FBN1: variants seen among roughly 807,000 people sequenced by gnomAD.
FBN1 encodes the protein fibrillin-1.
A neutral mutation model predicts 365.1 loss-of-function variants in FBN1; 29 were observed. That is an observed-to-expected ratio of 0.08 (90% confidence interval 0.06 to 0.11). The LOEUF (loss-of-function observed/expected upper bound fraction) is 0.11, where lower values mean the gene tolerates loss of function less well. Among genes scored for constraint, FBN1 ranks in the 10% least tolerant of loss-of-function variants. The probability of loss-of-function intolerance (pLI) is 1.00; values close to 1 mark genes in which losing one functional copy is unlikely to be tolerated. For missense variants in FBN1, 2,476 were observed against 3,703.2 expected, an observed-to-expected ratio of 0.67 and a Z score of 8.60; for synonymous variants, 1,210 against 1,270.5, an observed-to-expected ratio of 0.95 and a Z score of 1.01.
chr15:48,481,915 T>C (rs2043468221), intron 31 of FBN1, 135 bp from the exon 32 acceptor site: 3 of 863,246 alleles, frequency 3.5e-6, no homozygotes, highest in Non-Finnish European at 5.5e-6. Context: ...TGTTAAATTT[T>C]AGAGGCCAAT....
chr15:48,565,940 T>C (rs1428467283), intron 6 of FBN1, among the ~76,000 whole-genome samples: 1 of 152,208 alleles, frequency 6.6e-6, no homozygotes, highest in African/African-American at 2.4e-5. Flanking sequence ...AGCAGCTGAG[T>C]ATTTTAAATC....
At chr15:48,529,700 C>T (rs2043951032) in intron 8 of FBN1, 1 of 152,094 alleles carries the variant, frequency 6.6e-6, no homozygotes, top group Non-Finnish European at 1.5e-5. Flanking sequence ...ATGAATGCCA[C>T]TGAGCCTGTG....
At chr15:48,588,593 G>T (rs2140699731) in intron 6 of FBN1, among the ~76,000 whole-genome samples, 1 of 152,308 alleles carries the variant, frequency 6.6e-6, no homozygotes, top group African/African-American at 2.4e-5. Flanking sequence ...TAACACAAGA[G>T]AATGTTAGAA....
chr15:48,534,225 A>C lies in FBN1; in HGVS notation c.737-20T>G, dbSNP rs780235335. 10 of 1,558,410 alleles carry C rather than the reference A, an allele frequency of 6.4e-6. No individual in the cohort carries two copies. Among genetic ancestry groups the C allele is most frequent in the Non-Finnish European group, 8.5e-6 (10 of 1,172,570 alleles). ...CCACATCTGTCAGATTACAGAAGAC[A>C]GAGAGAAAAAAAAAAAACTCATATG... is the stretch of plus-strand genomic sequence containing the variant. On this transcript the variant is annotated intron_variant, in intron 7 of 65. Coordinates refer to ENST00000316623, the MANE Select transcript of FBN1 (RefSeq NM_000138.5).
At chr15:48,440,732 G>C (rs1991328) in intron 50 of FBN1, among the ~76,000 whole-genome samples, 1 of 152,110 alleles carries the variant, frequency 6.6e-6, no homozygotes, top group Non-Finnish European at 1.5e-5. Context: ...TGGTTGGGCA[G>C]ATATTATTGT....
At chr15:48,605,305 A>G (rs991496311) in intron 4 of FBN1, among the ~76,000 whole-genome samples, 1 of 152,166 alleles carries the variant, frequency 6.6e-6, no homozygotes, top group Admixed American at 6.5e-5. Flanking sequence ...CATCAGAAAA[A>G]AGTTGGAGAA....
chr15:48,421,612 T>A lies in FBN1; in HGVS notation c.7645A>T (p.Thr2549Ser). The A allele has an allele frequency of 6.2e-7, 1 of 1,613,852 alleles. No individual in the cohort carries two copies. Among genetic ancestry groups the A allele is most frequent in the Non-Finnish European group, 8.5e-7 (1 of 1,179,972 alleles). ...GICQNTPGSF[T>S]CECQRGFSLD... ...GAGAATCCCCGCTGGCATTCACAGG[T>A]GAAGCTTCCAGGAGTGTTCTGGCAA... Residue 2549 changes from threonine to serine, a missense_variant, in exon 62 of 66, where the codon ACC (threonine) becomes TCC (serine). Transcript: ENST00000316623.
intron 6 of FBN1, among the ~76,000 whole-genome samples, chr15:48,574,647 C>T (rs1400193670): frequency 6.6e-6 from 1 of 151,450 alleles, no homozygotes; most frequent in Non-Finnish European, 1.5e-5. Context: ...AGCTCTCAAT[C>T]TTCTTATCAC....
chr15:48,434,526 C>G lies in FBN1; in HGVS notation c.6616+68G>C. The G allele has an allele frequency of 3.1e-6, 5 of 1,594,544 alleles. No individual in the cohort carries two copies. The South Asian group carries it at 5.5e-5, about 18-fold the overall frequency. ...CCCTGAGTTGTATTTAATATTAAGA[C>G]TTGTAATCAACCAATTGTTCCCAGG... is the stretch of plus-strand genomic sequence containing the variant. On this transcript the variant is annotated intron_variant, in intron 54 of 65. Transcript: ENST00000316623.
Position 48,613,077 on chromosome 15 carries a change from T to C in FBN1, c.180A>G (p.Gly60=). 2 of 1,613,008 alleles carry C rather than the reference T, an allele frequency of 1.2e-6. No individual in the cohort carries two copies. The highest frequency in any genetic ancestry group is 1.7e-6 in the Non-Finnish European group (2 of 1,179,488). The change falls in exon 3 of 66, where the codon GGA becomes GGG. Residue 60 remains glycine, a synonymous_variant. Coordinates refer to ENST00000316623, the MANE Select transcript of FBN1 (RefSeq NM_000138.5). ...GGCAACAGTAAGCATTATAACGTGA[T>C]CCACAGACATTGGGTCTAAAACAAA... ...HDALKGPNVC[G]SRYNAYCCPG...
intron 46 of FBN1, 25 bp downstream of exon 46, chr15:48,448,743 A>T (rs778001482): frequency 6.2e-7 from 1 of 1,608,200 alleles, no homozygotes; most frequent in Non-Finnish European, 8.5e-7. Flanking sequence ...GCATATGAAA[A>T]AAATAATAAT....
At chr15:48,634,439 G>A (rs571653610) in intron 2 of FBN1, among the ~76,000 whole-genome samples, 8 of 152,222 alleles carry the variant, frequency 5.3e-5, no homozygotes, top group African/African-American at 1.7e-4. Flanking sequence ...GGGAGTGAAG[G>A]GGTTGTCATC....
At chr15:48,560,868 C>T (rs1430069855) in intron 6 of FBN1, among the ~76,000 whole-genome samples, 1 of 152,098 alleles carries the variant, frequency 6.6e-6, no homozygotes, top group African/African-American at 2.4e-5. Context: ...GATGTCCCAC[C>T]CCTGTGTGAC....
At position 48,489,832 on chromosome 15, in the gene FBN1, G is replaced by A. The variant is rs944525151; in HGVS notation, c.3082+19C>T. 1 of 1,605,262 alleles carries A rather than the reference G, an allele frequency of 6.2e-7. No individual in the cohort carries two copies. Among genetic ancestry groups the A allele is most frequent in the East Asian group, 2.2e-5 (1 of 44,854 alleles). On this transcript the variant is annotated intron_variant, in intron 25 of 65. Transcript: ENST00000316623. ...TCTAAAAAGGGAGGCAATTGGCCAT[G>A]GAAAACGTAACATTGTACCTTTGAA... is the stretch of plus-strand genomic sequence containing the variant.
At chr15:48,575,487 C>A (rs2044339102) in intron 6 of FBN1, among the ~76,000 whole-genome samples, 1 of 152,122 alleles carries the variant, frequency 6.6e-6, no homozygotes, top group Admixed American at 6.6e-5. Flanking sequence ...TTTCAACTTT[C>A]ACCCTCCTCC....
chr15:48,567,413 C>G (rs1566928595), intron 6 of FBN1, among the ~76,000 whole-genome samples: 1 of 152,092 alleles, frequency 6.6e-6, no homozygotes, highest in East Asian at 1.9e-4. Context: ...CTTCCTTCCC[C>G]CTAACTGAGA....
intron 2 of FBN1, among the ~76,000 whole-genome samples, chr15:48,633,537 A>G (rs558600307): frequency 2.0e-5 from 3 of 152,132 alleles, no homozygotes; most frequent in East Asian, 3.9e-4. Flanking sequence ...CCTGACTGAT[A>G]CCCTCATTGA....
chr15:48,463,059 A>G, intron 42 of FBN1, 23 bp downstream of exon 42: 1 of 1,610,826 alleles, frequency 6.2e-7, no homozygotes, highest in Non-Finnish European at 8.5e-7. Context: ...TATATTTTTG[A>G]TAATGGAGAA....
chr15:48,588,509 A>G (rs888472773), intron 6 of FBN1, among the ~76,000 whole-genome samples: 1 of 152,216 alleles, frequency 6.6e-6, no homozygotes, highest in Non-Finnish European at 1.5e-5. Context: ...AAAAAAAATG[A>G]AGTTAAAAAA....
Sources: allele counts gnomAD v4.1 joint callset (sites outside exome capture counted in the v4.1 genomes callset), GRCh38; gene constraint gnomAD v4.1.1; transcripts MANE v1.5; gene names NCBI Gene and HGNC (gene_info 2026-07-23, HGNC 2026-07-21).